The following PRIMPOL variants were observed in gnomAD, a reference collection of about 807,000 sequenced individuals.
The protein encoded by PRIMPOL is primase and DNA directed polymerase.
Under a neutral mutation model 63.6 loss-of-function variants are expected in PRIMPOL, and 54 were observed. The observed-to-expected ratio is 0.85, with a 90% CI of 0.68 to 1.07. The LOEUF (loss-of-function observed/expected upper bound fraction) is 1.07, where lower values mean the gene tolerates loss of function less well. Among genes scored for constraint, PRIMPOL ranks in the 50% least tolerant of loss-of-function variants. The pLI, the probability that PRIMPOL is intolerant of heterozygous loss-of-function variation, is 0.00. For missense variants in PRIMPOL, 610 were observed against 648.3 expected, an observed-to-expected ratio of 0.94 and a Z score of 0.64; for synonymous variants, 197 against 220.2, an observed-to-expected ratio of 0.89 and a Z score of 0.93.
At chr4:184,689,431 T>C (rs1757868723) in intron 11 of PRIMPOL, among the ~76,000 whole-genome samples, 2 of 143,318 alleles carry the variant, frequency 1.4e-5, no homozygotes, top group South Asian at 4.4e-4. Flanking sequence ...TTGTTCTCCA[T>C]TGATGTTAAT....
At chr4:184,684,532 T>C (rs1756517065) in intron 9 of PRIMPOL, among the ~76,000 whole-genome samples, 3 of 152,242 alleles carry the variant, frequency 2.0e-5, no homozygotes, top group Middle Eastern at 3.4e-3. Context: ...ATAGAAAATA[T>C]AATTGTATTG....
chr4:184,687,639 A>C (rs534619337), intron 11 of PRIMPOL, among the ~76,000 whole-genome samples: 1 of 151,966 alleles, frequency 6.6e-6, no homozygotes, highest in Non-Finnish European at 1.5e-5. Context: ...TTTGAGACAG[A>C]GTTTTGCTCT....
chr4:184,693,442 G>GGACAT (rs1418044179), intron 13 of PRIMPOL, among the ~76,000 whole-genome samples: 2 of 151,968 alleles, frequency 1.3e-5, no homozygotes, highest in African/African-American at 4.8e-5. Flanking sequence ...ACCACTACTT[G>GGACAT]GACATAACTT....
At chr4:184,690,343 T>C (rs1023393731) in intron 11 of PRIMPOL, among the ~76,000 whole-genome samples, 3 of 105,614 alleles carry the variant, frequency 2.8e-5, no homozygotes, top group Non-Finnish European at 6.2e-5. Context: ...ATAACATTTG[T>C]GTCTTTGCCT....
Position 184,672,265 on chromosome 4 carries a change from C to T in PRIMPOL, c.649C>T (p.Pro217Ser), listed in dbSNP as rs921054222. 1.2e-6 allele frequency: 2 copies of T among 1,613,922 alleles called. No individual in the cohort carries two copies. The highest frequency in any genetic ancestry group is 2.7e-5 in the African/African-American group (2 of 74,884). Residue 217 changes from proline (P) to serine (S), a missense_variant, in exon 7 of 14, where the codon CCC becomes TCC. Around this residue, in one of 3 missense-constraint regions of PRIMPOL, gnomAD observed 444 missense variants for 456.4 expected, o/e 0.97. Transcript: ENST00000314970. ...TCCAGAGACAACAGGCCATGGATTT[C>T]CCCATTTTTCAGAAGCACCTGCAAG... ...SAPETTGHGF[P>S]HFSEAPARQG...
chr4:184,669,669 G>A (rs536150209), intron 6 of PRIMPOL, among the ~76,000 whole-genome samples: 30 of 152,346 alleles, frequency 2.0e-4, no homozygotes, highest in African/African-American at 7.0e-4. Context: ...AGATTTCATT[G>A]TATAGTCAAA....
At chr4:184,683,086 A>G (rs1022988670) in intron 9 of PRIMPOL, among the ~76,000 whole-genome samples, 4 of 151,874 alleles carry the variant, frequency 2.6e-5, no homozygotes, top group Non-Finnish European at 4.4e-5. Context: ...TCAGTAATCT[A>G]CTTCAGGTTT....
chr4:184,688,120 T>G (rs1384902308), intron 11 of PRIMPOL, among the ~76,000 whole-genome samples: 1 of 152,222 alleles, frequency 6.6e-6, no homozygotes, highest in East Asian at 1.9e-4. Context: ...GTTGCTATTA[T>G]AAACCGTGAA....
chr4:184,675,607 A>C (rs1753085491), intron 7 of PRIMPOL, among the ~76,000 whole-genome samples: 1 of 152,192 alleles, frequency 6.6e-6, no homozygotes, highest in Non-Finnish European at 1.5e-5. Flanking sequence ...GCTTGAGGTC[A>C]GGAGTTCAAG....
chr4:184,660,746 T>C (rs1425266084), intron 4 of PRIMPOL, among the ~76,000 whole-genome samples: 1 of 152,234 alleles, frequency 6.6e-6, no homozygotes, highest in African/African-American at 2.4e-5. Context: ...TGTATGTATG[T>C]ATGTGTATGT....
intron 9 of PRIMPOL, among the ~76,000 whole-genome samples, chr4:184,684,876 G>T (rs527766443): frequency 6.6e-5 from 10 of 152,268 alleles, no homozygotes; most frequent in African/African-American, 2.4e-4. Flanking sequence ...AAAACCAGCA[G>T]TTGCTTCTGT....
chr4:184,687,836 G>C (rs1184729289), intron 11 of PRIMPOL, among the ~76,000 whole-genome samples: 1 of 151,594 alleles, frequency 6.6e-6, no homozygotes, highest in African/African-American at 2.4e-5. Flanking sequence ...GGCTGGTCTC[G>C]AACTCCCGAC....
chr4:184,679,957 C>T (rs1197337983), intron 8 of PRIMPOL, among the ~76,000 whole-genome samples: 2 of 152,020 alleles, frequency 1.3e-5, no homozygotes, highest in Non-Finnish European at 1.5e-5. Context: ...TGGGGACTGC[C>T]GTTATAAGGA....
At chr4:184,662,178 TTATA>T (rs2150055074) in intron 5 of PRIMPOL, among the ~76,000 whole-genome samples, 2 of 152,278 alleles carry the variant, frequency 1.3e-5, no homozygotes, top group South Asian at 4.1e-4. Flanking sequence ...TATTTTAAAA[TTATA>T]TATTAATTCT....
rs753795751 is a variant in PRIMPOL at position 184,657,198 on chromosome 4, G to A, written c.58G>A (p.Glu20Lys). ...AATTGAAGAACGAGCATCTCATTAT[G>A]AGAGGAAACCGTTGTCCTCAGTGTA... is the stretch of plus-strand genomic sequence containing the variant. ...KQIEERASHY[E>K]RKPLSSVYRP... is the part of the protein sequence containing the mutation. Residue 20 changes from glutamate to lysine, a missense_variant, in exon 3 of 14, where the codon GAG (glutamate) becomes AAG (lysine). This residue lies in a region of PRIMPOL where 159 missense variants were observed against 168.9 expected (regional missense o/e 0.94). Transcript: ENST00000314970. 4 of 1,612,820 alleles carry A rather than the reference G, an allele frequency of 2.5e-6. No homozygotes were observed. The African/African-American group carries it at 4.0e-5, about 16-fold the overall frequency.
At chr4:184,657,960 T>C (rs1022011449) in intron 3 of PRIMPOL, among the ~76,000 whole-genome samples, 39 of 151,426 alleles carry the variant, frequency 2.6e-4, no homozygotes, top group Admixed American at 2.0e-3. Context: ...GCCATTGCAC[T>C]CCAGCCTGGG....
intron 6 of PRIMPOL, among the ~76,000 whole-genome samples, chr4:184,670,762 G>A (rs1751387060): frequency 6.6e-6 from 1 of 152,018 alleles, no homozygotes; most frequent in African/African-American, 2.4e-5. Context: ...TGGCCAGGCT[G>A]GTCTCAAACT....
At chr4:184,678,431 G>A in intron 8 of PRIMPOL, 37 bp downstream of exon 8, 1 of 1,451,880 alleles carries the variant, frequency 6.9e-7, no homozygotes, top group Non-Finnish European at 9.4e-7. Flanking sequence ...TTGTATTCAT[G>A]AATATTTATT....
At chr4:184,656,428 A>G (rs980592682) in intron 2 of PRIMPOL, among the ~76,000 whole-genome samples, 1 of 152,184 alleles carries the variant, frequency 6.6e-6, no homozygotes. Flanking sequence ...TTGTAAATGA[A>G]TTATAATCCC....
Sources: allele counts gnomAD v4.1 joint callset (sites outside exome capture counted in the v4.1 genomes callset), GRCh38; gene constraint gnomAD v4.1.1; regional missense constraint gnomAD v4.1.1; transcripts MANE v1.5; gene names NCBI Gene and HGNC (gene_info 2026-07-23, HGNC 2026-07-21).